Variants in CLDN15 observed in about 807,000 individuals in gnomAD.
The protein encoded by CLDN15 is claudin-15.
A neutral mutation model predicts 24.5 loss-of-function variants in CLDN15; 9 were observed. The observed-to-expected ratio is 0.37, with a 90% confidence interval of 0.22 to 0.64. CLDN15 has a LOEUF of 0.64. CLDN15 is among the 30% of genes least tolerant of loss of function. CLDN15 has a pLI of 0.63. For synonymous variants in CLDN15, 149 were observed against 131.4 expected, an observed-to-expected ratio of 1.13 and a Z score of -0.92; for missense variants, 248 against 305.9, an observed-to-expected ratio of 0.81 and a Z score of 1.41.
chr7:101,232,848 A>C lies in CLDN15; in HGVS notation c.449T>G (p.Leu150Trp), dbSNP rs774415158. 4.3e-6 allele frequency: 7 copies of C among 1,613,122 alleles called. No homozygotes were observed. The highest frequency in any genetic ancestry group is 5.9e-6 in the Non-Finnish European group (7 of 1,179,620). ...CCTCACTCACTTGGTTCCGGGGTAC[A>C]AGGGGTCGAAGAAGTCCCGGGTGAT... is the stretch of plus-strand genomic sequence containing the variant. ...FNITRDFFDPLYPGTKYELGP... is the reference protein window; with the variant it reads ...FNITRDFFDPWYPGTKYELGP... Residue 150 changes from leucine to tryptophan, a missense_variant, in exon 3 of 5, where the codon TTG (leucine) becomes TGG (tryptophan). Transcript: ENST00000308344.
chr7:101,237,186 G>A lies in CLDN15; in HGVS notation c.217+179C>T, dbSNP rs977920067. On this transcript the variant is annotated intron_variant, in intron 1 of 4. Coordinates refer to ENST00000308344, the MANE Select transcript of CLDN15 (RefSeq NM_014343.3). This position sits in a 1 kb window ranked among gnomAD's most constrained non-coding sequence, Gnocchi z 4.0. ...ACACTAGCGCAGGGGGCCACGTGTG[G>A]CAAGGTCTTCACTCCAGTTCTAGGC... Among the ~76,000 whole-genome samples the A allele has an allele frequency of 2.0e-5, 3 of 151,540 alleles. No individual in the cohort carries two copies. Among genetic ancestry groups the A allele is most frequent in the African/African-American group, 7.3e-5 (3 of 40,938 alleles).
chr7:101,237,698 C>T lies in CLDN15; in HGVS notation c.-117G>A. On this transcript the variant is annotated 5_prime_UTR_variant, in exon 1 of 5. Transcript: ENST00000308344. The surrounding 1 kb of genome is among the most constrained non-coding windows in gnomAD (Gnocchi z 4.0). ...TTGTCCAGGCAGGCTGGGGTGGAAT[C>T]AGCCTCAGCCTCTGCCTGCCTCTTC... 4 of 708,666 alleles carry T rather than the reference C, an allele frequency of 5.6e-6. No individual in the cohort carries two copies. The highest frequency in any genetic ancestry group is 1.0e-5 in the Non-Finnish European group (4 of 399,900). 43.9% of individuals were successfully genotyped at this position (708,666 alleles called of 1,614,324 possible).
chr7:101,234,449 G>A lies in CLDN15; in HGVS notation c.218-7C>T, dbSNP rs1798586757. On this transcript the variant is annotated splice_polypyrimidine_tract_variant and splice_region_variant and intron_variant, in intron 1 of 4. Coordinates refer to ENST00000308344, the MANE Select transcript of CLDN15 (RefSeq NM_014343.3). ...CGGCAGGCCTGAATATACCCTGGGGGTGGGCACAGTTGTCAGCCTTTCCCA... is the reference window on the plus strand; with the variant it reads ...CGGCAGGCCTGAATATACCCTGGGGATGGGCACAGTTGTCAGCCTTTCCCA... The A allele has an allele frequency of 1.9e-6, 3 of 1,602,098 alleles. No individual in the cohort carries two copies. The highest frequency in any genetic ancestry group is 1.7e-5 in the Admixed American group (1 of 59,832).
upstream of CLDN15, chr7:101,237,924 G>C (rs2116842972): frequency 2.8e-6 from 1 of 361,294 alleles, no homozygotes. The surrounding 1 kb of genome is among the most constrained non-coding windows in gnomAD (Gnocchi z 4.0). Flanking sequence ...CGAGGGTGGG[G>C]GGGGCAGACT....
In CLDN15 at chr7:101,234,441, C is replaced by T. The variant is rs1798586451; in HGVS notation, c.219G>A (p.Gly73=). 4 of 1,607,832 alleles carry T rather than the reference C, an allele frequency of 2.5e-6. No individual in the cohort carries two copies. The highest frequency in any genetic ancestry group is 1.3e-5 in the African/African-American group (1 of 74,904). The change falls in exon 2 of 5, where the codon GGG becomes GGA. Residue 73 remains glycine (G), a splice_region_variant and synonymous_variant. Transcript: ENST00000308344. ...WEFPSMLALS[G]YIQACRALMI... Reference sequence around the variant, plus strand: ...TGAGTGCCCGGCAGGCCTGAATATACCCTGGGGGTGGGCACAGTTGTCAGC... The same window carrying T: ...TGAGTGCCCGGCAGGCCTGAATATATCCTGGGGGTGGGCACAGTTGTCAGC...
chr7:101,232,762 G>C, intron 3 of CLDN15, 42 bp from the exon 4 acceptor site: 1 of 1,576,052 alleles, frequency 6.3e-7, no homozygotes, highest in South Asian at 1.1e-5. Flanking sequence ...CAAGTGAGAC[G>C]CCAGCCGGGG....
In CLDN15 at chr7:101,232,524, A is replaced by T; in HGVS notation, c.582-9T>A. 1.2e-6 allele frequency: 2 copies of T among 1,607,890 alleles called. No homozygotes were observed. Among genetic ancestry groups the T allele is most frequent in the Non-Finnish European group, 1.7e-6 (2 of 1,175,476 alleles). On this transcript the variant is annotated splice_polypyrimidine_tract_variant and intron_variant, in intron 4 of 4. Transcript: ENST00000308344. ...GGTAGGGCCGCCGGGCGCTGCGGGG[A>T]GGGCCCGGGGTCAGAGCGGGGGCGC...
chr7:101,236,809 C>T (rs1798634178), intron 1 of CLDN15: 1 of 1,291,228 alleles, frequency 7.7e-7, no homozygotes, highest in Non-Finnish European at 1.0e-6. Context: ...CGCCTCCCTT[C>T]ACAGGGGCCC....
chr7:101,236,946 G>T, intron 1 of CLDN15: 1 of 505,072 alleles, frequency 2.0e-6, no homozygotes, highest in Non-Finnish European at 3.5e-6. Context: ...GCCCACCCCA[G>T]CAATCCCACC....
At chr7:101,236,080 A>G (rs756888954) in intron 1 of CLDN15, among the ~76,000 whole-genome samples, 6 of 152,150 alleles carry the variant, frequency 3.9e-5, no homozygotes, top group Non-Finnish European at 8.8e-5. Context: ...CTCTGGCACC[A>G]TCTTTCATGC....
At chr7:101,235,460 A>G (rs911678678) in intron 1 of CLDN15, among the ~76,000 whole-genome samples, 2 of 152,170 alleles carry the variant, frequency 1.3e-5, no homozygotes, top group Admixed American at 6.5e-5. Flanking sequence ...TCCTGGGCCC[A>G]GGACCGATCC....
chr7:101,236,262 G>T (rs556469912), intron 1 of CLDN15, among the ~76,000 whole-genome samples: 4 of 149,962 alleles, frequency 2.7e-5, no homozygotes, highest in Non-Finnish European at 5.9e-5. Flanking sequence ...GTTTTTTTTG[G>T]GGGGGGGGCC....
At chr7:101,232,972 GC>G (rs1798532891) in intron 2 of CLDN15, 58 bp from the exon 3 acceptor site, 6 of 1,248,332 alleles carry the variant, frequency 4.8e-6, no homozygotes, top group Admixed American at 3.6e-5. Context: ...GGGGGAGGGG[GC>G]TTAGGGGAGA....
At chr7:101,238,473 T>A (rs940596906), upstream of CLDN15, 1 of 152,322 alleles carries the variant, frequency 6.6e-6, no homozygotes, top group Non-Finnish European at 1.5e-5. Context: ...CTGAGACGAT[T>A]GCTTGAACTC....
At chr7:101,238,122 G>A (rs3757458), upstream of CLDN15, 7,765 of 186,400 alleles carry the variant, frequency 0.042, 215 homozygotes, top group East Asian at 0.075. Context: ...GAGAGAGAAT[G>A]AACAGCAGCC....
At chr7:101,233,084 C>G (rs1798534668) in intron 2 of CLDN15, among the ~76,000 whole-genome samples, 170 bp from the exon 3 acceptor site, 1 of 152,094 alleles carries the variant, frequency 6.6e-6, no homozygotes, top group South Asian at 2.1e-4. Context: ...AGCCTTCCTC[C>G]TTCCTGGGGT....
upstream of CLDN15, chr7:101,238,206 C>CT (rs1412253738): frequency 1.3e-5 from 2 of 157,838 alleles, no homozygotes; most frequent in Non-Finnish European, 2.8e-5. Context: ...GCGTATGAGT[C>CT]TCTTAAGGAA....
In CLDN15 at chr7:101,232,853, G is replaced by A. The variant is rs1233479984; in HGVS notation, c.444C>T (p.Asp148=). Residue 148 remains aspartate (D), a synonymous_variant, in exon 3 of 5, where the codon GAC becomes GAT. Coordinates refer to ENST00000308344, the MANE Select transcript of CLDN15 (RefSeq NM_014343.3). ...CTCACTTGGTTCCGGGGTACAAGGG[G>A]TCGAAGAAGTCCCGGGTGATGTTGA... ...YAFNITRDFF[D]PLYPGTKYEL... 2 of 1,613,342 alleles carry A rather than the reference G, an allele frequency of 1.2e-6. No individual in the cohort carries two copies. Among genetic ancestry groups the A allele is most frequent in the Non-Finnish European group, 8.5e-7 (1 of 1,179,698 alleles).
intron 2 of CLDN15, 41 bp downstream of exon 2, chr7:101,234,237 G>C: frequency 6.7e-7 from 1 of 1,501,804 alleles, no homozygotes; most frequent in East Asian, 2.3e-5. Flanking sequence ...TGAAGTCTGC[G>C]GTTGAGGGGG....
Sources: allele counts gnomAD v4.1 joint callset (sites outside exome capture counted in the v4.1 genomes callset), GRCh38; gene constraint gnomAD v4.1.1; non-coding constraint Gnocchi (gnomAD v3.1); transcripts MANE v1.5; gene names NCBI Gene and HGNC (gene_info 2026-07-23, HGNC 2026-07-21).